Variants in DPH6 observed in about 807,000 individuals in gnomAD.
The protein encoded by DPH6 is diphthamine biosynthesis 6.
DPH6 carries 33 observed loss-of-function variants against 38.2 expected under a neutral mutation model. That is an observed-to-expected ratio of 0.86 (90% CI 0.65 to 1.15). The LOEUF (loss-of-function observed/expected upper bound fraction) is 1.15. Among genes scored for constraint, DPH6 ranks in the 50% most tolerant of loss-of-function variants. The probability of loss-of-function intolerance (pLI) is 0.00; values close to 1 mark genes in which losing one functional copy is unlikely to be tolerated. For synonymous variants in DPH6, 108 were observed against 103.0 expected, an observed-to-expected ratio of 1.05 and a Z score of -0.30; for missense variants, 325 against 320.0, an observed-to-expected ratio of 1.02 and a Z score of -0.12.
At chr15:35,408,470 G>A (rs1283911908) in intron 6 of DPH6, among the ~76,000 whole-genome samples, 1 of 151,960 alleles carries the variant, frequency 6.6e-6, no homozygotes, top group Non-Finnish European at 1.5e-5. Context: ...TGAATTTGTG[G>A]TATCTGTGGG....
At chr15:35,352,444 C>A (rs965444927) in intron 3 of DPH6, among the ~76,000 whole-genome samples, 19 of 152,266 alleles carry the variant, frequency 1.2e-4, no homozygotes, top group Non-Finnish European at 2.8e-4. Flanking sequence ...CCCCACCCCA[C>A]AACAGGCCCC....
At chr15:35,346,118 C>T (rs1595491481) in intron 3 of DPH6, among the ~76,000 whole-genome samples, 2 of 152,110 alleles carry the variant, frequency 1.3e-5, no homozygotes, top group East Asian at 1.9e-4. Flanking sequence ...ATTAAAAGGA[C>T]ATGCAGTCAT....
chr15:35,466,532 CACT>C (rs1281758516), intron 3 of DPH6, among the ~76,000 whole-genome samples: 2 of 152,002 alleles, frequency 1.3e-5, no homozygotes, highest in Non-Finnish European at 2.9e-5. Context: ...ATACTTAAAC[CACT>C]ACTACCAAGA....
At chr15:35,368,602 T>G (rs961894692), downstream of DPH6, among the ~76,000 whole-genome samples, 2 of 151,898 alleles carry the variant, frequency 1.3e-5, no homozygotes, top group Non-Finnish European at 1.5e-5. Context: ...AGCATGGGGA[T>G]GGAAATATGT....
intron 2 of DPH6, among the ~76,000 whole-genome samples, chr15:35,542,042 GT>G (rs1426446137): frequency 6.6e-6 from 1 of 152,184 alleles, no homozygotes; most frequent in East Asian, 1.9e-4. Flanking sequence ...GCCTGAGACT[GT>G]ATCTTATCTA....
At chr15:35,520,418 A>G (rs1407940929) in intron 3 of DPH6, 1 of 983,046 alleles carries the variant, frequency 1.0e-6, no homozygotes. Context: ...ATAGTCATGA[A>G]TCTTACCTTT....
At chr15:35,464,971 G>GTGAT (rs1237689662) in intron 3 of DPH6, among the ~76,000 whole-genome samples, 2 of 152,220 alleles carry the variant, frequency 1.3e-5, no homozygotes, top group Admixed American at 6.5e-5. Flanking sequence ...TATGGTCATA[G>GTGAT]TGATGATCAC....
At chr15:35,362,696 T>C (rs2052623510) in intron 3 of DPH6, among the ~76,000 whole-genome samples, 1 of 152,196 alleles carries the variant, frequency 6.6e-6, no homozygotes, top group Admixed American at 6.5e-5. Flanking sequence ...CACTATTCTT[T>C]TCTCCTCCCA....
intron 3 of DPH6, among the ~76,000 whole-genome samples, chr15:35,241,997 C>T (rs1341106326): frequency 6.9e-6 from 1 of 144,320 alleles, no homozygotes; most frequent in Non-Finnish European, 1.5e-5. Context: ...CCTCCCTCCA[C>T]AATCCATTAT....
rs187250275 is a variant in DPH6, at chr15:35,280,430, G to A, written n.201-59848C>T. ...TGACTGGGATGAAAGTATCATGGAA[G>A]AGAAGTGATTTAAGCTAGAATTTAT... is the stretch of plus-strand genomic sequence containing the variant. On this transcript the variant is annotated intron_variant and non_coding_transcript_variant, in intron 3 of 3. Coordinates refer to the DPH6 transcript ENST00000560386. Among the ~76,000 whole-genome samples, 14 of 152,310 alleles carry A rather than the reference G, an allele frequency of 9.2e-5. No individual in the cohort carries two copies. In the East Asian group the frequency reaches 2.7e-3, roughly 29 times the overall value.
chr15:35,530,210 T>C (rs1016683289), intron 3 of DPH6, among the ~76,000 whole-genome samples: 5 of 152,124 alleles, frequency 3.3e-5, no homozygotes, highest in South Asian at 2.1e-4. Flanking sequence ...TAGAAGACTA[T>C]AGGACAGAGA....
intron 3 of DPH6, among the ~76,000 whole-genome samples, chr15:35,256,266 C>T (rs1311300592): frequency 1.3e-5 from 2 of 152,022 alleles, no homozygotes; most frequent in African/African-American, 2.4e-5. Flanking sequence ...GGCCAGTTAC[C>T]ATATTATTTA....
intron 6 of DPH6, among the ~76,000 whole-genome samples, chr15:35,384,949 T>C (rs2052929061): frequency 6.6e-6 from 1 of 151,740 alleles, no homozygotes; most frequent in Admixed American, 6.6e-5. Flanking sequence ...CATCAAAAAG[T>C]AGGTGAAGGA....
At position 35,243,460 on chromosome 15, in the gene DPH6, T is replaced by C. The variant is rs1181156547; in HGVS notation, n.201-22878A>G. 4.8e-3 allele frequency among the ~76,000 whole-genome samples: 674 copies of C among 140,874 alleles called. 68 individuals are homozygous for C. The highest frequency in any genetic ancestry group is 0.017 in the African/African-American group (655 of 39,162). 92.4% of individuals were successfully genotyped at this position (140,874 alleles called of 152,430 possible). A position where few individuals can be genotyped will look rare whatever the true frequency, so the allele number is the denominator to read the frequency against. On this transcript the variant is annotated intron_variant and non_coding_transcript_variant, in intron 3 of 3. Transcript: ENST00000560386. ...GCATCCCCTGTGACTTGCACGTATA[T>C]GCCCAGATGGCCTGAAGTAACTGAA...
intron 3 of DPH6, among the ~76,000 whole-genome samples, chr15:35,322,666 A>C (rs1437402596): frequency 1.3e-5 from 2 of 152,188 alleles, no homozygotes; most frequent in African/African-American, 4.8e-5. Flanking sequence ...TAATCTGAAT[A>C]ATCATATATT....
Position 35,296,804 on chromosome 15 carries a change from C to CTTTTTTTTTTTTTTTTTT in DPH6, n.201-76223_201-76222insAAAAAAAAAAAAAAAAAA, listed in dbSNP as rs772132282. On this transcript the variant is annotated intron_variant and non_coding_transcript_variant, in intron 3 of 3. Transcript: ENST00000560386. ...ATTCTCTAACCTGATGGCCTGGCTTCTTTTTTTTTTTGAGACGGAGTCTCG... is the reference window on the plus strand; with the variant it reads ...ATTCTCTAACCTGATGGCCTGGCTTCTTTTTTTTTTTTTTTTTTTTTTTTTTTTTGAGACGGAGTCTCG... Among the ~76,000 whole-genome samples, 120 of 127,330 alleles carry CTTTTTTTTTTTTTTTTTT rather than the reference C, an allele frequency of 9.4e-4. 6 individuals carry two copies. Among genetic ancestry groups the CTTTTTTTTTTTTTTTTTT allele is most frequent in the African/African-American group, 1.4e-3 (40 of 28,430 alleles). The allele number at this position is 127,330 out of a possible 152,430, so 83.5% of individuals were successfully genotyped here.
At chr15:35,275,082 T>A (rs76573754) in intron 3 of DPH6, among the ~76,000 whole-genome samples, 1 of 151,916 alleles carries the variant, frequency 6.6e-6, no homozygotes, top group Admixed American at 6.5e-5. Context: ...GCCTGGCTAA[T>A]TTTTTTGTAT....
chr15:35,417,809 C>T (rs1011760244), intron 5 of DPH6, among the ~76,000 whole-genome samples: 11 of 151,978 alleles, frequency 7.2e-5, no homozygotes, highest in Non-Finnish European at 1.3e-4. Context: ...CCAAAAGGCA[C>T]AATTTTCTTT....
the DPH6 span, among the ~76,000 whole-genome samples, chr15:35,211,470 C>T: frequency 1.3e-5 from 2 of 152,118 alleles, no homozygotes; most frequent in African/African-American, 2.4e-5. Context: ...CAATTTGGCA[C>T]ACAAGTTCTA....
Sources: allele counts gnomAD v4.1 joint callset (sites outside exome capture counted in the v4.1 genomes callset), GRCh38; gene constraint gnomAD v4.1.1; transcripts MANE v1.5; gene names NCBI Gene and HGNC (gene_info 2026-07-23, HGNC 2026-07-21).